The following DLG2 variants were observed in gnomAD, a reference collection of about 807,000 sequenced individuals.
The protein encoded by DLG2 is disks large homolog 2.
A neutral mutation model predicts 132.5 loss-of-function variants in DLG2; 45 were observed. The observed-to-expected ratio is 0.34, with a 90% CI of 0.27 to 0.44. DLG2 has a LOEUF of 0.44. Among genes scored for constraint, DLG2 ranks in the 20% least tolerant of loss-of-function variants. The pLI, the probability that DLG2 is intolerant of heterozygous loss-of-function variation, is 1.00. For missense variants in DLG2, 1,045 were observed against 1,196.9 expected, an observed-to-expected ratio of 0.87 and a Z score of 1.87; for synonymous variants, 424 against 419.6, an observed-to-expected ratio of 1.01 and a Z score of -0.13.
chr11:84,689,711 G>A (rs992402521), intron 6 of DLG2, among the ~76,000 whole-genome samples: 1 of 151,950 alleles, frequency 6.6e-6, no homozygotes, highest in African/African-American at 2.4e-5. Flanking sequence ...AGCCAAAAGA[G>A]TATAAAGCAG....
intron 7 of DLG2, among the ~76,000 whole-genome samples, chr11:84,325,050 T>C (rs768764639): frequency 2.0e-5 from 3 of 152,170 alleles, no homozygotes. Flanking sequence ...CTTCCAGTAC[T>C]ATGTTGAGTA....
chr11:85,154,135 G>GAAA lies in DLG2; in HGVS notation c.282+418_282+420dup, dbSNP rs34094958. Among the ~76,000 whole-genome samples, 33 of 57,642 alleles carry GAAA rather than the reference G, an allele frequency of 5.7e-4. 1 individual carries two copies. Among genetic ancestry groups the GAAA allele is most frequent in the Non-Finnish European group, 9.0e-4 (27 of 29,874 alleles). The allele number at this position is 57,642 out of a possible 152,430, so 37.8% of individuals were successfully genotyped here. ...CCCACCCTCCCTCTCTTCTTTTGGA[G>GAAA]AAAAAAAAAAAAAAAAAAAAAAAAA... On this transcript the variant is annotated intron_variant, in intron 5 of 27. Coordinates refer to ENST00000376104, the MANE Select transcript of DLG2 (RefSeq NM_001142699.3).
At chr11:83,763,157 A>G (rs921120278) in intron 18 of DLG2, among the ~76,000 whole-genome samples, 1 of 152,228 alleles carries the variant, frequency 6.6e-6, no homozygotes, top group African/African-American at 2.4e-5. Context: ...TTATGTACAA[A>G]GAACTGAAAT....
At chr11:84,010,554 C>T (rs542178383) in intron 11 of DLG2, among the ~76,000 whole-genome samples, 5 of 152,018 alleles carry the variant, frequency 3.3e-5, no homozygotes, top group Non-Finnish European at 5.9e-5. Flanking sequence ...CTCCTGCCTC[C>T]GTCTCCCAAG....
intron 6 of DLG2, among the ~76,000 whole-genome samples, chr11:84,665,445 T>C (rs1036773697): frequency 6.6e-6 from 1 of 152,170 alleles, no homozygotes; most frequent in Non-Finnish European, 1.5e-5. Context: ...TATCTATCAG[T>C]AGTATTTCCA....
At chr11:83,843,744 T>C (rs1251342990) in intron 16 of DLG2, among the ~76,000 whole-genome samples, 1 of 152,076 alleles carries the variant, frequency 6.6e-6, no homozygotes, top group East Asian at 1.9e-4. Context: ...ATAATGTTTG[T>C]CTCATGGGGA....
At chr11:84,686,709 A>C (rs1466015276) in intron 6 of DLG2, 2 of 150,396 alleles carry the variant, frequency 1.3e-5, no homozygotes, top group Non-Finnish European at 2.9e-5. Context: ...TAAGAATTCT[A>C]ACAGTCGATA....
At chr11:84,269,992 C>A (rs1598765508) in intron 7 of DLG2, among the ~76,000 whole-genome samples, 1 of 152,256 alleles carries the variant, frequency 6.6e-6, no homozygotes, top group South Asian at 2.1e-4. Context: ...ATAGTAGGGG[C>A]TCTAGAAAAT....
At chr11:84,243,008 T>TCTCTCTCTCTCTCTCTCC (rs72437785) in intron 8 of DLG2, among the ~76,000 whole-genome samples, 5 of 145,134 alleles carry the variant, frequency 3.4e-5, no homozygotes, top group Admixed American at 3.4e-4. Flanking sequence ...TCTCTCTCTC[T>TCTCTCTCTCTCTCTCTCC]CTCTCTCTCT....
At chr11:85,461,680 G>C (rs2092619202) in intron 3 of DLG2, among the ~76,000 whole-genome samples, 1 of 152,140 alleles carries the variant, frequency 6.6e-6, no homozygotes, top group African/African-American at 2.4e-5. Context: ...ACTTCCCCAA[G>C]CCACATGCAG....
intron 3 of DLG2, among the ~76,000 whole-genome samples, chr11:85,338,386 G>C (rs1322108832): frequency 6.6e-6 from 1 of 152,158 alleles, no homozygotes; most frequent in Non-Finnish European, 1.5e-5. Context: ...ATTCAATTAT[G>C]ATAATGTTTT....
intron 21 of DLG2, among the ~76,000 whole-genome samples, chr11:83,520,664 T>C (rs866426761): frequency 7.0e-6 from 1 of 143,258 alleles, no homozygotes; most frequent in Non-Finnish European, 1.5e-5. Flanking sequence ...GATAGATAGA[T>C]AGAAAGAAAG....
At chr11:84,852,694 A>G (rs1325728814) in intron 6 of DLG2, among the ~76,000 whole-genome samples, 3 of 152,022 alleles carry the variant, frequency 2.0e-5, no homozygotes, top group Admixed American at 2.0e-4. Context: ...TGTACCAAAC[A>G]TATGTTTATT....
At chr11:84,653,695 A>G (rs1246818180) in intron 6 of DLG2, among the ~76,000 whole-genome samples, 2 of 152,172 alleles carry the variant, frequency 1.3e-5, no homozygotes, top group East Asian at 1.9e-4. Flanking sequence ...TTCCACCAGT[A>G]TATGTTCAAG....
intron 8 of DLG2, among the ~76,000 whole-genome samples, chr11:84,210,577 C>T (rs1446444655): frequency 6.9e-6 from 1 of 145,704 alleles, no homozygotes; most frequent in African/African-American, 2.5e-5. Context: ...TTCAGAAAAG[C>T]AAAAAACTGC....
chr11:84,898,691 T>C (rs2090510366), intron 6 of DLG2, among the ~76,000 whole-genome samples: 1 of 151,946 alleles, frequency 6.6e-6, no homozygotes, highest in Non-Finnish European at 1.5e-5. Flanking sequence ...TCCCCTCCAC[T>C]GTTCTAAACT....
intron 6 of DLG2, among the ~76,000 whole-genome samples, chr11:84,933,697 T>G (rs1346272925): frequency 6.6e-6 from 1 of 152,192 alleles, no homozygotes; most frequent in African/African-American, 2.4e-5. Context: ...CCAGTGATTT[T>G]TGCACATTCA....
intron 7 of DLG2, among the ~76,000 whole-genome samples, chr11:84,530,945 A>T (rs1175854302): frequency 6.6e-6 from 1 of 152,048 alleles, no homozygotes; most frequent in Non-Finnish European, 1.5e-5. Flanking sequence ...GCACAGCCAT[A>T]AAAACTTCGG....
At chr11:85,041,161 A>G (rs1050231145) in intron 6 of DLG2, among the ~76,000 whole-genome samples, 3 of 151,908 alleles carry the variant, frequency 2.0e-5, no homozygotes, top group Non-Finnish European at 4.4e-5. Context: ...AACGAAATAT[A>G]TCTTTACGAA....
Sources: gnomAD v4.1 joint callset for allele counts (sites outside exome capture counted in the v4.1 genomes callset) on GRCh38, gnomAD v4.1.1 for gene constraint, MANE v1.5 for transcripts, NCBI Gene and HGNC (gene_info 2026-07-23, HGNC 2026-07-21) for gene names.